The following ROBO2 variants were observed in gnomAD, a reference collection of about 807,000 sequenced individuals.
ROBO2 encodes roundabout homolog 2.
A neutral mutation model predicts 160.8 loss-of-function variants in ROBO2; 53 were observed. The observed-to-expected ratio is 0.33, with a 90% CI of 0.26 to 0.41. ROBO2 has a LOEUF of 0.41. Among genes scored for constraint, ROBO2 ranks in the 10% least tolerant of loss-of-function variants. The pLI is 1.00. For synonymous variants in ROBO2, 664 were observed against 611.7 expected (o/e 1.09, Z -1.26); for missense variants, 1,577 against 1,722.4 (o/e 0.92, Z 1.49).
At chr3:77,165,468 G>A (rs1248601885) in intron 2 of ROBO2, among the ~76,000 whole-genome samples, 1 of 148,010 alleles carries the variant, frequency 6.8e-6, no homozygotes, top group Non-Finnish European at 1.5e-5. Flanking sequence ...AGAGACCTTT[G>A]TTCACTTGTT....
chr3:77,279,131 GAA>G (rs2060080029), intron 2 of ROBO2, among the ~76,000 whole-genome samples: 1 of 151,982 alleles, frequency 6.6e-6, no homozygotes, highest in Non-Finnish European at 1.5e-5. Flanking sequence ...TAAGAAAACT[GAA>G]AACGTCTCTT....
At chr3:76,259,320 C>A (rs139417830) in intron 2 of ROBO2, among the ~76,000 whole-genome samples, 10 of 152,206 alleles carry the variant, frequency 6.6e-5, no homozygotes, top group Non-Finnish European at 1.3e-4. Flanking sequence ...ATTTAATTCT[C>A]TACACTTAGT....
intron 2 of ROBO2, among the ~76,000 whole-genome samples, chr3:76,935,102 C>T (rs967588802): frequency 6.6e-6 from 1 of 151,940 alleles, no homozygotes; most frequent in African/African-American, 2.4e-5. Context: ...TAGGCACATG[C>T]CACCACACCT....
chr3:76,094,257 G>T (rs1214194526), intron 2 of ROBO2, among the ~76,000 whole-genome samples: 2 of 152,124 alleles, frequency 1.3e-5, no homozygotes, highest in African/African-American at 4.8e-5. Context: ...TGTAGGATCG[G>T]CCCATCCAGT....
intron 2 of ROBO2, among the ~76,000 whole-genome samples, chr3:76,436,030 G>A (rs1431662429): frequency 6.6e-6 from 1 of 152,022 alleles, no homozygotes; most frequent in East Asian, 1.9e-4. Context: ...CATGAGATAG[G>A]AGAGTCTCTG....
At chr3:75,916,011 C>T (rs1437396531) in intron 1 of ROBO2, among the ~76,000 whole-genome samples, 2 of 152,064 alleles carry the variant, frequency 1.3e-5, no homozygotes, top group African/African-American at 4.8e-5. Flanking sequence ...TCATCTTTAT[C>T]TATAGAGCTG....
chr3:76,056,597 G>T (rs556407050), intron 2 of ROBO2, among the ~76,000 whole-genome samples: 6 of 152,008 alleles, frequency 3.9e-5, no homozygotes, highest in Non-Finnish European at 7.4e-5. Context: ...AAAGAAAAAG[G>T]TTCTTACATG....
chr3:77,038,562 T>C (rs1358343065), upstream of ROBO2, among the ~76,000 whole-genome samples: 1 of 152,078 alleles, frequency 6.6e-6, no homozygotes, highest in Non-Finnish European at 1.5e-5. Context: ...CCTTTCCTAA[T>C]ATTTTCCAGT....
intron 2 of ROBO2, among the ~76,000 whole-genome samples, chr3:76,065,406 A>G (rs1165065377): frequency 6.6e-6 from 1 of 152,098 alleles, no homozygotes; most frequent in East Asian, 1.9e-4. Flanking sequence ...TTCAAAAATC[A>G]TTTGTAAAGA....
At chr3:77,185,849 T>C (rs1474252436) in intron 2 of ROBO2, among the ~76,000 whole-genome samples, 1 of 151,764 alleles carries the variant, frequency 6.6e-6, no homozygotes, top group Non-Finnish European at 1.5e-5. Flanking sequence ...TAGTCAGCCA[T>C]AAAAAGGAAT....
chr3:77,115,817 T>G (rs907845691), intron 2 of ROBO2, among the ~76,000 whole-genome samples: 5 of 152,216 alleles, frequency 3.3e-5, no homozygotes, highest in African/African-American at 1.2e-4. Flanking sequence ...ATGGTTTATC[T>G]TATCCAACTA....
intron 2 of ROBO2, among the ~76,000 whole-genome samples, chr3:76,848,014 T>TA (rs985110171): frequency 1.3e-5 from 2 of 152,116 alleles, no homozygotes; most frequent in African/African-American, 4.8e-5. Context: ...TTAATTGCAA[T>TA]AAAAAATCTC....
chr3:76,715,927 C>T (rs2093371970), intron 2 of ROBO2, among the ~76,000 whole-genome samples: 1 of 152,068 alleles, frequency 6.6e-6, no homozygotes, highest in East Asian at 1.9e-4. Flanking sequence ...TTTTTGTCAT[C>T]TTGTGTCTTC....
intron 2 of ROBO2, among the ~76,000 whole-genome samples, chr3:76,038,124 ATTGT>A (rs747916882): frequency 4.6e-5 from 7 of 152,044 alleles, no homozygotes; most frequent in Non-Finnish European, 1.0e-4. Flanking sequence ...AAAAAGAAAG[ATTGT>A]TTGGGAAAGA....
chr3:76,954,294 CT>C (rs199743504), intron 2 of ROBO2, among the ~76,000 whole-genome samples: 22,612 of 152,154 alleles, frequency 0.15, 1,852 homozygotes, highest in South Asian at 0.19. Flanking sequence ...TTGAAAACTT[CT>C]GCCAATATTT....
chr3:76,232,097 T>C (rs1704654757), intron 2 of ROBO2, among the ~76,000 whole-genome samples: 1 of 152,212 alleles, frequency 6.6e-6, no homozygotes, highest in Non-Finnish European at 1.5e-5. Flanking sequence ...GGTTGTGATC[T>C]GAGCTTTAGC....
intron 6 of ROBO2, among the ~76,000 whole-genome samples, chr3:77,526,448 T>C (rs1339194456): frequency 6.6e-6 from 1 of 151,580 alleles, no homozygotes; most frequent in Non-Finnish European, 1.5e-5. Flanking sequence ...CTATTTTTAA[T>C]GTCAGATTTC....
chr3:77,176,347 C>T (rs778544684), intron 2 of ROBO2, among the ~76,000 whole-genome samples: 5 of 151,960 alleles, frequency 3.3e-5, no homozygotes, highest in East Asian at 3.9e-4. Context: ...AATACTCGGA[C>T]GGATTTTTCC....
At chr3:76,834,513 C>T (rs905929016) in intron 2 of ROBO2, among the ~76,000 whole-genome samples, 1 of 151,958 alleles carries the variant, frequency 6.6e-6, no homozygotes, top group African/African-American at 2.4e-5. Flanking sequence ...GCTGAGATTA[C>T]AGGCACACAC....
Sources: gnomAD v4.1 joint callset for allele counts (sites outside exome capture counted in the v4.1 genomes callset) on GRCh38, gnomAD v4.1.1 for gene constraint, MANE v1.5 for transcripts, NCBI Gene and HGNC (gene_info 2026-07-23, HGNC 2026-07-21) for gene names.